The following ADGRB3 variants were observed in gnomAD, a reference collection of about 807,000 sequenced individuals.
ADGRB3 encodes brain-specific angiogenesis inhibitor 3.
ADGRB3 carries 37 observed loss-of-function variants against 193.4 expected under a neutral mutation model. The ratio of observed to expected loss-of-function variants is 0.19; its 90% CI spans 0.15 to 0.25. The LOEUF is 0.25. ADGRB3 is among the 10% of genes least tolerant of loss of function. ADGRB3 has a pLI of 1.00. For missense variants in ADGRB3, 1,637 were observed against 1,852.9 expected (o/e 0.88, Z 2.14); for synonymous variants, 690 against 644.2 (o/e 1.07, Z -1.08).
At chr6:68,900,170 T>C (rs1766354370) in intron 3 of ADGRB3, among the ~76,000 whole-genome samples, 1 of 152,154 alleles carries the variant, frequency 6.6e-6, no homozygotes, top group Non-Finnish European at 1.5e-5. Context: ...AGGATGACAG[T>C]CAAATGAATA....
chr6:69,124,592 A>G (rs1230230018), intron 17 of ADGRB3, among the ~76,000 whole-genome samples: 4 of 152,208 alleles, frequency 2.6e-5, no homozygotes, highest in African/African-American at 9.6e-5. Context: ...GCTATCTTTC[A>G]GGTCACTAAT....
At chr6:69,059,488 G>T (rs962283026) in intron 15 of ADGRB3, among the ~76,000 whole-genome samples, 1 of 152,096 alleles carries the variant, frequency 6.6e-6, no homozygotes, top group Admixed American at 6.6e-5. Context: ...GGTTACCTTT[G>T]AATGATTAAT....
intron 16 of ADGRB3, among the ~76,000 whole-genome samples, chr6:69,070,221 A>C (rs1192940970): frequency 1.3e-5 from 2 of 152,196 alleles, no homozygotes; most frequent in Non-Finnish European, 2.9e-5. Context: ...AGGTACAAAA[A>C]AGTTCTGAAG....
intron 3 of ADGRB3, among the ~76,000 whole-genome samples, chr6:68,783,561 C>T (rs950034711): frequency 6.6e-6 from 1 of 151,556 alleles, no homozygotes; most frequent in African/African-American, 2.4e-5. Flanking sequence ...ATGTTATTTT[C>T]TAAGAGCTTG....
rs1418029564 is a variant in ADGRB3, at chr6:68,930,727, T to C, written c.868+58T>C. 2.5e-5 allele frequency: 31 copies of C among 1,263,236 alleles called. No individual in the cohort carries two copies. The Admixed American group carries it at 6.5e-4, about 27-fold the overall frequency. 78.3% of individuals were successfully genotyped at this position (1,263,236 alleles called of 1,614,324 possible). A position where few individuals can be genotyped will look rare whatever the true frequency, so the allele number is the denominator to read the frequency against. On this transcript the variant is annotated intron_variant, in intron 4 of 31. Transcript: ENST00000370598. ...TTGTTAATTTAATGAAACCACTGCA[T>C]GTTTTCATAATCTTTTGCTGCACAT...
intron 20 of ADGRB3, among the ~76,000 whole-genome samples, chr6:69,274,582 C>T (rs535834669): frequency 3.4e-3 from 461 of 137,268 alleles, no homozygotes; most frequent in Non-Finnish European, 3.7e-3. Flanking sequence ...TTCCTTTATT[C>T]GTTTCCTCCC....
rs182905683 is a variant in ADGRB3, at chr6:69,169,585, A to G, written c.2481-63705A>G. On this transcript the variant is annotated intron_variant, in intron 17 of 31. Coordinates refer to ENST00000370598, the MANE Select transcript of ADGRB3 (RefSeq NM_001704.3). ...TAAATTATCATTTAATTATAAATTA[A>G]ATGATATAATTAAATGATATAAATT... Among the ~76,000 whole-genome samples, 41 of 150,676 alleles carry G rather than the reference A, an allele frequency of 2.7e-4. No homozygotes were observed. In the East Asian group the frequency reaches 7.0e-3, roughly 26 times the overall value.
In ADGRB3 at chr6:68,655,148, AGG is replaced by A. The variant is rs1199103904; in HGVS notation, c.757+15718_757+15719del. 5.3e-5 allele frequency among the ~76,000 whole-genome samples: 8 copies of A among 151,042 alleles called. No individual in the cohort carries two copies. The East Asian group carries it at 1.6e-3, about 29-fold the overall frequency. On this transcript the variant is annotated intron_variant, in intron 3 of 31. Coordinates refer to ENST00000370598, the MANE Select transcript of ADGRB3 (RefSeq NM_001704.3). ...AGCTATAAATTCAGTACCAGAATTT[AGG>A]GAGATAATTTTAATGTAAAACAAAG...
At chr6:68,696,436 A>C (rs1376638052) in intron 3 of ADGRB3, among the ~76,000 whole-genome samples, 1 of 151,724 alleles carries the variant, frequency 6.6e-6, no homozygotes, top group East Asian at 1.9e-4. Context: ...AATTAAAAAA[A>C]AAACCTATGG....
intron 15 of ADGRB3, among the ~76,000 whole-genome samples, chr6:69,061,332 T>C (rs1771744070): frequency 6.6e-6 from 1 of 151,858 alleles, no homozygotes; most frequent in African/African-American, 2.4e-5. Flanking sequence ...AACTCCGCAT[T>C]TTTTTCTGAT....
chr6:69,029,932 T>A (rs1477123549), intron 13 of ADGRB3, among the ~76,000 whole-genome samples: 2 of 151,312 alleles, frequency 1.3e-5, no homozygotes, highest in Non-Finnish European at 2.9e-5. Context: ...AGAAAAAATT[T>A]ATGAAGCCAA....
intron 20 of ADGRB3, among the ~76,000 whole-genome samples, chr6:69,293,738 G>A (rs1183006781): frequency 1.3e-5 from 2 of 152,048 alleles, no homozygotes; most frequent in South Asian, 2.1e-4. Flanking sequence ...ATAAAGTGAC[G>A]ATAGACTCAG....
intron 17 of ADGRB3, among the ~76,000 whole-genome samples, chr6:69,218,052 C>G (rs1268830846): frequency 6.8e-6 from 1 of 146,372 alleles, no homozygotes; most frequent in East Asian, 1.9e-4. Context: ...CATGTAAAAG[C>G]CTTAACTCCA....
chr6:69,167,300 A>G (rs1337364565), intron 17 of ADGRB3, among the ~76,000 whole-genome samples: 2 of 152,178 alleles, frequency 1.3e-5, no homozygotes, highest in African/African-American at 2.4e-5. Flanking sequence ...TATGAACTTT[A>G]TTCTGTATTA....
At chr6:69,062,446 A>G (rs1469492567) in intron 15 of ADGRB3, among the ~76,000 whole-genome samples, 2 of 151,944 alleles carry the variant, frequency 1.3e-5, no homozygotes, top group African/African-American at 4.8e-5. Context: ...ATTTATTTCT[A>G]TTTAAACTCT....
chr6:68,974,665 A>G, intron 8 of ADGRB3, 98 bp from the exon 9 acceptor site: 5 of 880,692 alleles, frequency 5.7e-6, no homozygotes, highest in South Asian at 4.9e-5. Flanking sequence ...AAAGAAAACT[A>G]AAGAGCTCTG....
At chr6:69,025,505 G>C (rs1391250343) in intron 13 of ADGRB3, among the ~76,000 whole-genome samples, 1 of 149,648 alleles carries the variant, frequency 6.7e-6, no homozygotes, top group East Asian at 2.0e-4. Flanking sequence ...CATCACGCCT[G>C]AAAAATACAC....
rs530992667 is a variant in ADGRB3 at position 69,361,119 on chromosome 6, C to T, written c.3846C>T (p.Tyr1282=). Residue 1282 remains tyrosine, a synonymous_variant, in exon 29 of 32, where the codon TAC becomes TAT. Transcript: ENST00000370598. ...ATAGTGAATTGCGGAGAACTGTGTA[C>T]TTATGTACGGATGATAATTTGAGAG... ...KENSELRRTV[Y]LCTDDNLRGA... 11 of 1,612,820 alleles carry T rather than the reference C, an allele frequency of 6.8e-6. No individual in the cohort carries two copies. Among genetic ancestry groups the T allele is most frequent in the South Asian group, 6.6e-5 (6 of 91,064 alleles).
chr6:68,935,407 T>A (rs1393676515), intron 4 of ADGRB3, among the ~76,000 whole-genome samples: 2 of 152,172 alleles, frequency 1.3e-5, no homozygotes, highest in African/African-American at 4.8e-5. Context: ...GATGGACAAA[T>A]ACATGATCAT....
Sources: gnomAD v4.1 joint callset for allele counts (sites outside exome capture counted in the v4.1 genomes callset) on GRCh38, gnomAD v4.1.1 for gene constraint, MANE v1.5 for transcripts, NCBI Gene and HGNC (gene_info 2026-07-23, HGNC 2026-07-21) for gene names.